The following GMDS variants were observed in gnomAD, a reference collection of about 807,000 sequenced individuals.
The protein encoded by GMDS is GDP-mannose 4,6-dehydratase, also known as GDP-mannose 4,6 dehydratase.
In GMDS, 20 loss-of-function variants were observed where a neutral mutation model predicts 49.9. That is an observed-to-expected ratio of 0.40 (90% CI 0.28 to 0.58). The LOEUF is 0.58. Ranked by LOEUF, GMDS falls within the 20% of genes least tolerant of loss-of-function variation. The probability of loss-of-function intolerance (pLI) is 0.42; values close to 1 mark genes in which losing one functional copy is unlikely to be tolerated. For synonymous variants in GMDS, 177 were observed against 178.6 expected, an observed-to-expected ratio of 0.99 and a Z score of 0.07; for missense variants, 362 against 481.4, an observed-to-expected ratio of 0.75 and a Z score of 2.32.
chr6:1,927,306 CA>C (rs1339965109), intron 7 of GMDS, among the ~76,000 whole-genome samples: 12 of 149,758 alleles, frequency 8.0e-5, no homozygotes, highest in African/African-American at 2.5e-4. Context: ...TATTTTTATT[CA>C]GAGGGTAGCG....
chr6:2,152,402 A>T (rs1415881149), intron 1 of GMDS, among the ~76,000 whole-genome samples: 1 of 152,136 alleles, frequency 6.6e-6, no homozygotes, highest in Non-Finnish European at 1.5e-5. Flanking sequence ...AAAACACAAG[A>T]ATTTATTAAC....
At chr6:1,928,202 T>C (rs1213866858) in intron 7 of GMDS, among the ~76,000 whole-genome samples, 2 of 152,052 alleles carry the variant, frequency 1.3e-5, no homozygotes, top group Non-Finnish European at 2.9e-5. Flanking sequence ...CCGTCTCTAC[T>C]AAAAATATAA....
intron 7 of GMDS, among the ~76,000 whole-genome samples, chr6:1,795,756 T>C (rs1769712239): frequency 6.6e-6 from 1 of 152,222 alleles, no homozygotes; most frequent in Non-Finnish European, 1.5e-5. Flanking sequence ...CTGAAAGCAG[T>C]TCATTCACAT....
chr6:1,859,123 T>C (rs1758071293), intron 7 of GMDS, among the ~76,000 whole-genome samples: 1 of 152,162 alleles, frequency 6.6e-6, no homozygotes, highest in South Asian at 2.1e-4. Context: ...GCTGATTGAC[T>C]AGCAAACTGT....
chr6:1,974,909 G>A (rs1764814083), intron 4 of GMDS, among the ~76,000 whole-genome samples: 1 of 151,510 alleles, frequency 6.6e-6, no homozygotes, highest in South Asian at 2.1e-4. Context: ...ACGATGGTGG[G>A]CGCCTGTAAT....
At chr6:1,902,491 C>T (rs1030706938) in intron 7 of GMDS, among the ~76,000 whole-genome samples, 6 of 152,098 alleles carry the variant, frequency 3.9e-5, no homozygotes, top group African/African-American at 1.4e-4. Context: ...TCCTTAATAA[C>T]CCAAAATGAT....
At chr6:2,195,575 AAAAGCCTTCTTTGGAAAT>A (rs2127572406) in intron 1 of GMDS, among the ~76,000 whole-genome samples, 1 of 152,316 alleles carries the variant, frequency 6.6e-6, no homozygotes, top group South Asian at 2.1e-4. Flanking sequence ...GTAAGTTTTT[AAAAGCCTTCTTTGGAAAT>A]AATTAAGTCC....
chr6:1,691,287 C>T (rs568802942), intron 9 of GMDS, among the ~76,000 whole-genome samples: 1 of 152,134 alleles, frequency 6.6e-6, no homozygotes, highest in East Asian at 1.9e-4. Flanking sequence ...CATGTTCTCA[C>T]TCGTAAGTGG....
At chr6:2,186,016 T>C (rs1581765788) in intron 1 of GMDS, among the ~76,000 whole-genome samples, 1 of 152,188 alleles carries the variant, frequency 6.6e-6, no homozygotes, top group African/African-American at 2.4e-5. Flanking sequence ...TAAATTCTTA[T>C]ATTAAATACA....
chr6:1,783,316 C>T (rs992726758), intron 7 of GMDS, among the ~76,000 whole-genome samples: 2 of 152,220 alleles, frequency 1.3e-5, no homozygotes, highest in South Asian at 2.1e-4. Flanking sequence ...GGAGATCTTG[C>T]TCCTGAGGTT....
chr6:2,061,485 G>A (rs565427586), intron 4 of GMDS, among the ~76,000 whole-genome samples: 1 of 152,116 alleles, frequency 6.6e-6, no homozygotes, highest in African/African-American at 2.4e-5. Context: ...GGGAGGTTGA[G>A]GCGGTCGGAT....
chr6:1,806,675 T>C lies in GMDS; in HGVS notation c.772-64089A>G, dbSNP rs112562591. ...TTGTCTAGGTTAGAATTTAGGATTC[T>C]TACATATCAAAATGAGAAAGAGGCT... On this transcript the variant is annotated intron_variant, in intron 7 of 10. Coordinates refer to ENST00000380815, the MANE Select transcript of GMDS (RefSeq NM_001500.4). Among the ~76,000 whole-genome samples, 126 of 152,332 alleles carry C rather than the reference T, an allele frequency of 8.3e-4. 1 individual carries two copies. The highest frequency in any genetic ancestry group is 2.8e-3 in the African/African-American group (116 of 41,570).
At chr6:2,058,550 T>C (rs764958786) in intron 4 of GMDS, among the ~76,000 whole-genome samples, 3 of 151,594 alleles carry the variant, frequency 2.0e-5, no homozygotes, top group Non-Finnish European at 4.4e-5. Context: ...AAGAATATCT[T>C]GAGAGGTAGA....
At chr6:1,988,245 G>A (rs1765685759) in intron 4 of GMDS, among the ~76,000 whole-genome samples, 1 of 151,830 alleles carries the variant, frequency 6.6e-6, no homozygotes, top group African/African-American at 2.4e-5. Flanking sequence ...TTTTCATGAT[G>A]GTTTTTCATA....
chr6:2,170,203 CA>C (rs34632162), intron 1 of GMDS, among the ~76,000 whole-genome samples: 283 of 121,114 alleles, frequency 2.3e-3, no homozygotes, highest in Admixed American at 2.7e-3. Context: ...AACTACATCT[CA>C]AAAAAAAAAA....
intron 9 of GMDS, among the ~76,000 whole-genome samples, chr6:1,718,501 A>G (rs374322111): frequency 6.6e-6 from 1 of 151,936 alleles, no homozygotes; most frequent in Non-Finnish European, 1.5e-5. Flanking sequence ...CATCTCTGCC[A>G]TGTTCTGGCA....
chr6:2,215,178 C>A (rs1561663552), intron 1 of GMDS, among the ~76,000 whole-genome samples: 1 of 152,036 alleles, frequency 6.6e-6, no homozygotes, highest in African/African-American at 2.4e-5. Context: ...GTGTCCTCAA[C>A]AAACAGATTA....
At chr6:2,006,664 C>A (rs1214260014) in intron 4 of GMDS, among the ~76,000 whole-genome samples, 1 of 152,180 alleles carries the variant, frequency 6.6e-6, no homozygotes, top group Non-Finnish European at 1.5e-5. Context: ...TTTTCAACAT[C>A]ATTTTCCTGT....
intron 4 of GMDS, among the ~76,000 whole-genome samples, chr6:2,076,019 AT>A (rs1287351495): frequency 6.6e-6 from 1 of 152,022 alleles, no homozygotes; most frequent in Non-Finnish European, 1.5e-5. Context: ...GATGATGAGC[AT>A]TTTTTCATGT....
Sources: allele counts gnomAD v4.1 joint callset (sites outside exome capture counted in the v4.1 genomes callset), GRCh38; gene constraint gnomAD v4.1.1; transcripts MANE v1.5; gene names NCBI Gene and HGNC (gene_info 2026-07-23, HGNC 2026-07-21).